Variants in SIPA1L2 observed in about 807,000 individuals in gnomAD.
The protein encoded by SIPA1L2 is signal induced proliferation associated 1 like 2.
In SIPA1L2, 56 loss-of-function variants were observed where a neutral mutation model predicts 163.9. The ratio of observed to expected loss-of-function variants is 0.34; its 90% CI spans 0.28 to 0.43. The LOEUF (loss-of-function observed/expected upper bound fraction) is 0.43. Ranked by LOEUF, SIPA1L2 falls within the 20% of genes least tolerant of loss-of-function variation. SIPA1L2 has a pLI of 1.00. For synonymous variants in SIPA1L2, 877 were observed against 865.7 expected (o/e 1.01, Z -0.23); for missense variants, 1,974 against 2,193.5 (o/e 0.90, Z 2.00).
At chr1:232,582,207 G>A (rs953971039) in intron 1 of SIPA1L2, among the ~76,000 whole-genome samples, 6 of 151,984 alleles carry the variant, frequency 3.9e-5, no homozygotes, top group Non-Finnish European at 5.9e-5. Context: ...TTAGATACAG[G>A]GGGTACATGT....
intron 5 of SIPA1L2, among the ~76,000 whole-genome samples, chr1:232,487,891 C>G (rs555812771): frequency 6.7e-6 from 1 of 150,194 alleles, no homozygotes; most frequent in Admixed American, 6.6e-5. Flanking sequence ...TACAAAAGAG[C>G]GGAAACTAAC....
chr1:232,484,074 G>C (rs1056175730), intron 5 of SIPA1L2, 108 bp from the exon 6 acceptor site: 17 of 1,035,218 alleles, frequency 1.6e-5, no homozygotes, highest in Non-Finnish European at 2.2e-5. Context: ...AAGCATGCCA[G>C]AACAATTCCC....
intron 14 of SIPA1L2, among the ~76,000 whole-genome samples, chr1:232,440,039 G>A (rs541756404): frequency 6.6e-6 from 1 of 152,314 alleles, no homozygotes; most frequent in East Asian, 1.9e-4. Context: ...CCACTTGGCT[G>A]CTGCAAAGTA....
chr1:232,417,866 C>G (rs879825072), intron 18 of SIPA1L2, among the ~76,000 whole-genome samples: 3 of 152,164 alleles, frequency 2.0e-5, no homozygotes, highest in Non-Finnish European at 2.9e-5. Context: ...GGTGCAAGAG[C>G]GGCATAGCTC....
chr1:232,629,732 C>G (rs1422387871), intron 1 of SIPA1L2, among the ~76,000 whole-genome samples, 137 bp downstream of exon 1: 2 of 152,032 alleles, frequency 1.3e-5, no homozygotes, highest in Non-Finnish European at 2.9e-5. Flanking sequence ...CCCCGCGCCC[C>G]TCGCACCCCT....
intron 1 of SIPA1L2, among the ~76,000 whole-genome samples, chr1:232,623,827 T>C (rs965927634): frequency 5.9e-5 from 9 of 152,038 alleles, no homozygotes; most frequent in African/African-American, 1.7e-4. Flanking sequence ...GAGTGGAGTT[T>C]GTCTTCCGCT....
chr1:232,512,955 G>A (rs1667048873), intron 3 of SIPA1L2, among the ~76,000 whole-genome samples: 1 of 152,172 alleles, frequency 6.6e-6, no homozygotes, highest in Non-Finnish European at 1.5e-5. Flanking sequence ...CTGGATCCCT[G>A]GGAGCAGGAA....
chr1:232,619,846 T>C (rs2102887384), intron 1 of SIPA1L2, among the ~76,000 whole-genome samples: 1 of 152,346 alleles, frequency 6.6e-6, no homozygotes, highest in East Asian at 1.9e-4. Flanking sequence ...ACTTGTATCA[T>C]CTGCAATAGC....
chr1:232,544,237 C>A (rs1047578563), intron 2 of SIPA1L2, among the ~76,000 whole-genome samples: 5 of 152,106 alleles, frequency 3.3e-5, no homozygotes, highest in Admixed American at 1.3e-4. Flanking sequence ...ATGTTTTACA[C>A]GATTTAATGG....
chr1:232,420,236 T>C (rs888330922), intron 18 of SIPA1L2, among the ~76,000 whole-genome samples: 2 of 151,938 alleles, frequency 1.3e-5, no homozygotes, highest in Non-Finnish European at 1.5e-5. Flanking sequence ...GGCAGGAGAA[T>C]TGCTTGAACC....
chr1:232,605,860 TAC>T (rs1192938227), intron 1 of SIPA1L2, among the ~76,000 whole-genome samples: 4 of 152,210 alleles, frequency 2.6e-5, no homozygotes, highest in African/African-American at 9.6e-5. Flanking sequence ...TAGGACTTCT[TAC>T]ACACATCACA....
chr1:232,553,424 A>C (rs1658518568), intron 2 of SIPA1L2, among the ~76,000 whole-genome samples: 1 of 151,960 alleles, frequency 6.6e-6, no homozygotes, highest in Non-Finnish European at 1.5e-5. Context: ...GGGCATGAAA[A>C]CGGGAATGCC....
intron 1 of SIPA1L2, among the ~76,000 whole-genome samples, chr1:232,612,597 T>C (rs1328356441): frequency 6.6e-6 from 1 of 152,236 alleles, no homozygotes; most frequent in Non-Finnish European, 1.5e-5. Context: ...GCATGGGCCC[T>C]GTAACCCCTT....
intron 19 of SIPA1L2, among the ~76,000 whole-genome samples, chr1:232,413,631 C>G (rs1236100499): frequency 6.6e-6 from 1 of 152,168 alleles, no homozygotes; most frequent in Non-Finnish European, 1.5e-5. Flanking sequence ...TATTGAATAC[C>G]TACTTACTCC....
At chr1:232,434,845 G>A (rs1662458399) in intron 15 of SIPA1L2, among the ~76,000 whole-genome samples, 1 of 151,410 alleles carries the variant, frequency 6.6e-6, no homozygotes. Context: ...CAAGCCTAAA[G>A]ACATCATCAT....
At chr1:232,512,179 C>A (rs1266795754) in intron 3 of SIPA1L2, among the ~76,000 whole-genome samples, 1 of 152,192 alleles carries the variant, frequency 6.6e-6, no homozygotes, top group Admixed American at 6.5e-5. Flanking sequence ...GAGATACCAT[C>A]TCACGCCAAT....
At chr1:232,471,232 T>G in intron 8 of SIPA1L2, 139 bp downstream of exon 8, 1 of 923,828 alleles carries the variant, frequency 1.1e-6, no homozygotes, top group Non-Finnish European at 1.6e-6. Context: ...AGAAGGCAAT[T>G]ATTTCTTACA....
chr1:232,404,317 T>C, intron 19 of SIPA1L2, 139 bp from the exon 20 acceptor site: 3 of 682,766 alleles, frequency 4.4e-6, no homozygotes, highest in Non-Finnish European at 7.7e-6. Flanking sequence ...GCCAGTATCA[T>C]GTAACTCCAA....
At chr1:232,605,323 G>A (rs1462540997) in intron 1 of SIPA1L2, among the ~76,000 whole-genome samples, 1 of 152,132 alleles carries the variant, frequency 6.6e-6, no homozygotes, top group Non-Finnish European at 1.5e-5. Context: ...AGCCACCCAA[G>A]GTAGTACAGA....
Sources: allele counts gnomAD v4.1 joint callset (sites outside exome capture counted in the v4.1 genomes callset), GRCh38; gene constraint gnomAD v4.1.1; transcripts MANE v1.5; gene names NCBI Gene and HGNC (gene_info 2026-07-23, HGNC 2026-07-21).